Variants in HSPG2 observed in about 807,000 individuals in gnomAD.
The protein encoded by HSPG2 is heparan sulfate proteoglycan 2.
HSPG2 carries 278 observed loss-of-function variants against 526.6 expected under a neutral mutation model. The ratio of observed to expected loss-of-function variants is 0.53; its 90% CI spans 0.48 to 0.58. The LOEUF is 0.58. Among genes scored for constraint, HSPG2 ranks in the 20% least tolerant of loss-of-function variants. The pLI is 0.00. For synonymous variants in HSPG2, 2,465 were observed against 2,555.4 expected (o/e 0.96, Z 1.07); for missense variants, 5,354 against 6,099.5 (o/e 0.88, Z 4.07).
In HSPG2 at chr1:21,836,913, G is replaced by T. The variant is rs1180071344; in HGVS notation, c.10244C>A (p.Ala3415Asp). ...CACAGCACAGTGGAACTCAACGCTG[G>T]CCCCAATGCTCTTGGTCTCTAGCTG... Reference protein sequence around the residue: ...TPQLETKSIGASVEFHCAVPS... With the variant: ...TPQLETKSIGDSVEFHCAVPS... The change falls in exon 75 of 97, where the codon GCC becomes GAC. Residue 3415 changes from alanine to aspartate, a missense_variant. By Grantham distance (126) the Ala-to-Asp change is moderately radical. Transcript: ENST00000374695. The T allele has an allele frequency of 3.2e-6, 5 of 1,560,612 alleles. No individual in the cohort carries two copies. The highest frequency in any genetic ancestry group is 1.7e-6 in the Non-Finnish European group (2 of 1,152,140).
intron 85 of HSPG2, 88 bp from the exon 86 acceptor site, chr1:21,830,179 C>CG (rs2097996425): frequency 3.6e-6 from 4 of 1,095,998 alleles, no homozygotes; most frequent in African/African-American, 1.6e-5. Flanking sequence ...CATCACACCC[C>CG]GGGGGGCTGG....
intron 1 of HSPG2, among the ~76,000 whole-genome samples, chr1:21,918,724 T>C (rs1643948582): frequency 1.3e-5 from 2 of 152,216 alleles, no homozygotes; most frequent in African/African-American, 4.8e-5. Flanking sequence ...TGCTACATAC[T>C]AAATAAATTG....
At position 21,859,666 on chromosome 1, in the gene HSPG2, G is replaced by T. The variant is rs1273596017; in HGVS notation, c.5193C>A (p.Leu1731=). ...GTQQRHQGSE[L]HFPSVQPSDA... is the part of the protein sequence containing the mutation. ...CCGAGGGCTGGACGCTGGGGAAGTG[G>T]AGCTCGGAGCCTGGTGGGGAGGAGA... The change falls in exon 42 of 97, where the codon CTC becomes CTA. Residue 1731 remains leucine, a synonymous_variant. Coordinates refer to ENST00000374695, the MANE Select transcript of HSPG2 (RefSeq NM_005529.7). This position sits in a 1 kb window ranked among gnomAD's most constrained non-coding sequence, Gnocchi z 5.3. 1 of 1,607,830 alleles carries T rather than the reference G, an allele frequency of 6.2e-7. No individual in the cohort carries two copies. Among genetic ancestry groups the T allele is most frequent in the East Asian group, 2.2e-5 (1 of 44,674 alleles).
Position 21,853,065 on chromosome 1 carries a change from C to T in HSPG2, c.6445G>A (p.Gly2149Ser), listed in dbSNP as rs561417019. 42 of 1,613,838 alleles carry T rather than the reference C, an allele frequency of 2.6e-5. 1 individual carries two copies. In the South Asian group the frequency reaches 2.9e-4, roughly 11 times the overall value. Residue 2149 changes from glycine to serine, a missense_variant, in exon 51 of 97, where the codon GGC (glycine) becomes AGC (serine). Gly to Ser is a moderately conservative substitution (Grantham distance 56). Transcript: ENST00000374695. ...TCGATGCGGATGGGCCGGGTGCTGC[C>T]GGGCACTGGACACAGAGCGGCTGCT... ...HSGPSYTPVP[G>S]STRPIRIEPS...
chr1:21,859,871 G>T lies in HSPG2; in HGVS notation c.5146C>A (p.Arg1716=), dbSNP rs769854672. 1 of 1,611,354 alleles carries T rather than the reference G, an allele frequency of 6.2e-7. No homozygotes were observed. The highest frequency in any genetic ancestry group is 1.7e-5 in the Admixed American group (1 of 59,832). ...TGCTGGGTGCCGCTGGGCACAGGCC[G>T]CCCATCCTCACGGGACCAATAGAAG... is the stretch of plus-strand genomic sequence containing the variant. ...HYFYWSREDG[R]PVPSGTQQRH... The change falls in exon 41 of 97, where the codon CGG becomes AGG. Residue 1716 remains arginine, a synonymous_variant. Coordinates refer to ENST00000374695, the MANE Select transcript of HSPG2 (RefSeq NM_005529.7). The surrounding 1 kb of genome is among the most constrained non-coding windows in gnomAD (Gnocchi z 5.3).
At chr1:21,885,205 G>A in intron 10 of HSPG2, 48 bp from the exon 11 acceptor site, 1 of 1,598,438 alleles carries the variant, frequency 6.3e-7, no homozygotes, top group Non-Finnish European at 8.6e-7. Context: ...AAGGAAGGAG[G>A]AGCGGAAGGA....
chr1:21,842,420 C>G, intron 67 of HSPG2, 40 bp from the exon 68 acceptor site: 3 of 1,551,276 alleles, frequency 1.9e-6, no homozygotes, highest in Non-Finnish European at 2.6e-6. Context: ...GGGCAAAGTC[C>G]CCAGGACAAG....
At position 21,865,597 on chromosome 1, in the gene HSPG2, T is replaced by TC. The variant is rs1640162699; in HGVS notation, c.4314+119dup. The TC allele has an allele frequency of 3.1e-6, 3 of 959,492 alleles. No individual in the cohort carries two copies. The Admixed American group carries it at 5.1e-5, about 16-fold the overall frequency. The allele number at this position is 959,492 out of a possible 1,614,324, so 59.4% of individuals were successfully genotyped here. A position where few individuals can be genotyped will look rare whatever the true frequency, so the allele number is the denominator to read the frequency against. ...AGGGATGTGGGGGCATGGGCCTAAC[T>TC]CCCCCAGCCTGTGCCAGAAAACTGA... On this transcript the variant is annotated intron_variant, in intron 34 of 96. Coordinates refer to ENST00000374695, the MANE Select transcript of HSPG2 (RefSeq NM_005529.7). The surrounding 1 kb of genome is among the most constrained non-coding windows in gnomAD (Gnocchi z 5.4).
At chr1:21,849,903 C>A (rs911789835) in intron 57 of HSPG2, 138 bp downstream of exon 57, 78 of 1,074,094 alleles carry the variant, frequency 7.3e-5, no homozygotes, top group Non-Finnish European at 1.1e-4. Flanking sequence ...TGGTCTCAAA[C>A]TCCTGACCTC....
chr1:21,846,179 C>T lies in HSPG2; in HGVS notation c.8393G>A (p.Ser2798Asn). 6.2e-7 allele frequency: 1 copy of T among 1,613,108 alleles called. No individual in the cohort carries two copies. The highest frequency in any genetic ancestry group is 8.5e-7 in the Non-Finnish European group (1 of 1,180,002). Reference protein sequence around the residue: ...SGEYVCRVMGSSGPLEASVLV... With the variant: ...SGEYVCRVMGNSGPLEASVLV... ...GACTGAGGCCTCCAGGGGGCCAGAG[C>T]TGCCCATCACCCGGCACACGTATTC... Residue 2798 changes from serine to asparagine, a missense_variant, in exon 64 of 97, where the codon AGC becomes AAC. By Grantham distance (46) the Ser-to-Asn change is conservative. Transcript: ENST00000374695.
chr1:21,862,179 T>C, intron 37 of HSPG2, 64 bp from the exon 38 acceptor site: 1 of 1,568,398 alleles, frequency 6.4e-7, no homozygotes, highest in Non-Finnish European at 8.7e-7. Flanking sequence ...CCTTTCAGGG[T>C]TGCAATCCCT....
At chr1:21,921,214 G>A (rs1247097427) in intron 1 of HSPG2, among the ~76,000 whole-genome samples, 1 of 152,178 alleles carries the variant, frequency 6.6e-6, no homozygotes, top group Non-Finnish European at 1.5e-5. Context: ...ATACAGCCCA[G>A]AACTGGCAGA....
chr1:21,871,539 G>A (rs1383009468), intron 33 of HSPG2, among the ~76,000 whole-genome samples: 2 of 152,170 alleles, frequency 1.3e-5, no homozygotes, highest in Non-Finnish European at 2.9e-5. Flanking sequence ...TGGAATTACA[G>A]GTGTGGGCTC....
intron 1 of HSPG2, among the ~76,000 whole-genome samples, chr1:21,899,017 T>C (rs1436026598): frequency 6.6e-6 from 1 of 151,946 alleles, no homozygotes. Context: ...GGAACACACA[T>C]CTGCAGGGAG....
Position 21,859,852 on chromosome 1 carries a change from G to A in HSPG2, c.5165C>T (p.Thr1722Ile). 1 of 1,611,478 alleles carries A rather than the reference G, an allele frequency of 6.2e-7. No individual in the cohort carries two copies. The part of the protein sequence containing the change: ...REDGRPVPSG[T>I]QQRHQGSELH... ...ATGGGTACCTTGATGTCGCTGCTGG[G>A]TGCCGCTGGGCACAGGCCGCCCATC... Residue 1722 changes from threonine (T) to isoleucine (I), a missense_variant, in exon 41 of 97, where the codon ACC becomes ATC. Physicochemically the swap from Thr to Ile is moderately conservative, Grantham distance 89 (BLOSUM62 -1). Coordinates refer to ENST00000374695, the MANE Select transcript of HSPG2 (RefSeq NM_005529.7). The surrounding 1 kb of genome is among the most constrained non-coding windows in gnomAD (Gnocchi z 5.3).
At chr1:21,852,656 C>T (rs775560170) in intron 52 of HSPG2, 44 bp downstream of exon 52, 1 of 1,611,402 alleles carries the variant, frequency 6.2e-7, no homozygotes, top group South Asian at 1.1e-5. Context: ...CCCCGGAGGC[C>T]TCTCTGCCTC....
Position 21,859,967 on chromosome 1 carries a change from C to T in HSPG2, c.5050G>A (p.Ala1684Thr). 1 of 1,610,844 alleles carries T rather than the reference C, an allele frequency of 6.2e-7. No individual in the cohort carries two copies. Among genetic ancestry groups the T allele is most frequent in the Non-Finnish European group, 8.5e-7 (1 of 1,179,314 alleles). ...QAPLVVEVHPARSIVPQGGSH... is the reference protein window; with the variant it reads ...QAPLVVEVHPTRSIVPQGGSH... The stretch of plus-strand genomic sequence containing the variant: ...CCACCTTGGGGCACTATGCTTCGAG[C>T]AGGATGGACCTCGACCACCAGTGGG... The change falls in exon 41 of 97, where the codon GCT (alanine) becomes ACT (threonine). Residue 1684 changes from alanine (A) to threonine (T), a missense_variant. Coordinates refer to ENST00000374695, the MANE Select transcript of HSPG2 (RefSeq NM_005529.7). This position sits in a 1 kb window ranked among gnomAD's most constrained non-coding sequence, Gnocchi z 5.3.
intron 1 of HSPG2, among the ~76,000 whole-genome samples, chr1:21,933,675 A>C (rs1414372068): frequency 1.3e-5 from 2 of 152,220 alleles, no homozygotes; most frequent in African/African-American, 4.8e-5. Flanking sequence ...GACAGGGGGA[A>C]ATGGGCCTAA....
chr1:21,874,641 C>T lies in HSPG2; in HGVS notation c.3503G>A (p.Cys1168Tyr). 6.2e-7 allele frequency: 1 copy of T among 1,613,650 alleles called. No individual in the cohort carries two copies. Among genetic ancestry groups the T allele is most frequent in the Non-Finnish European group, 8.5e-7 (1 of 1,179,826 alleles). Residue 1168 changes from cysteine to tyrosine, a missense_variant, in exon 27 of 97, where the codon TGC becomes TAC. Physicochemically the swap from Cys to Tyr is radical, Grantham distance 194. Coordinates refer to ENST00000374695, the MANE Select transcript of HSPG2 (RefSeq NM_005529.7). ...RCSCHGHSEA[C>Y]EPETGACQGC... ...CTGGCAGGCACCTGTTTCTGGCTCGCAGGCCTCTGAGTGGCCATGGCAGCT... is the reference window on the plus strand; with the variant it reads ...CTGGCAGGCACCTGTTTCTGGCTCGTAGGCCTCTGAGTGGCCATGGCAGCT...
Sources: gnomAD v4.1 joint callset for allele counts (sites outside exome capture counted in the v4.1 genomes callset) on GRCh38, gnomAD v4.1.1 for gene constraint, Gnocchi (gnomAD v3.1) non-coding constraint, MANE v1.5 for transcripts, NCBI Gene and HGNC (gene_info 2026-07-23, HGNC 2026-07-21) for gene names.